POR: variants seen among roughly 807,000 people sequenced by gnomAD.
POR encodes NADPH--cytochrome P450 reductase.
In POR, 56 loss-of-function variants were observed where a neutral mutation model predicts 84.0. The observed-to-expected ratio is 0.67, with a 90% CI of 0.54 to 0.83. The LOEUF is 0.83. Ranked by LOEUF, POR falls within the 40% of genes least tolerant of loss-of-function variation. The probability of loss-of-function intolerance (pLI) is 0.00; values close to 1 mark genes in which losing one functional copy is unlikely to be tolerated. For missense variants in POR, 938 were observed against 944.3 expected (o/e 0.99, Z 0.09); for synonymous variants, 414 against 400.5 (o/e 1.03, Z -0.40).
chr7:75,967,859 T>C (rs1554555524), intron 2 of POR: 1 of 355,138 alleles, frequency 2.8e-6, no homozygotes, highest in African/African-American at 2.1e-5. Context: ...TGCAGAGTTC[T>C]TGGGCTCATG....
rs1788161194 is a variant in POR, at chr7:75,965,940, A to G, written c.189-6473A>G. ...GCCCGGGGCGCACTGCAGACAGGGT[A>G]AAGCCGGGGGAGGTGCACCTTGCTT... is the stretch of plus-strand genomic sequence containing the variant. On this transcript the variant is annotated intron_variant, in intron 2 of 15. Transcript: ENST00000461988. 2.6e-5 allele frequency among the ~76,000 whole-genome samples: 4 copies of G among 152,202 alleles called. No homozygotes were observed. The South Asian group carries it at 8.3e-4, about 32-fold the overall frequency.
At chr7:75,948,178 C>T (rs1300544468) in intron 1 of POR, among the ~76,000 whole-genome samples, 1 of 152,202 alleles carries the variant, frequency 6.6e-6, no homozygotes, top group East Asian at 1.9e-4. Flanking sequence ...GAGGTGCTTA[C>T]CCCGTGTGGC....
chr7:75,951,118 G>A (rs1293022810), intron 1 of POR, among the ~76,000 whole-genome samples: 1 of 132,208 alleles, frequency 7.6e-6, no homozygotes, highest in African/African-American at 2.9e-5. Context: ...GTTGAGGCCA[G>A]GCACAGTGGC....
At chr7:75,978,572 G>A (rs1437906215) in intron 3 of POR, among the ~76,000 whole-genome samples, 2 of 152,206 alleles carry the variant, frequency 1.3e-5, no homozygotes, top group Non-Finnish European at 2.9e-5. Context: ...AGCCCAGGCT[G>A]GAGTGCAATG....
chr7:75,922,837 A>G, intron 1 of POR: 1 of 547,544 alleles, frequency 1.8e-6, no homozygotes, highest in East Asian at 3.6e-5. Context: ...CCTCAAAGCC[A>G]CCCAGTCAAA....
chr7:75,940,658 C>T (rs528520692), intron 1 of POR, among the ~76,000 whole-genome samples: 34 of 151,972 alleles, frequency 2.2e-4, no homozygotes, highest in African/African-American at 8.2e-4. Context: ...GTGGCAGGCG[C>T]CTGTAGTCCC....
intron 1 of POR, chr7:75,915,730 C>T (rs1201154693): frequency 6.6e-6 from 1 of 152,224 alleles, no homozygotes; most frequent in Non-Finnish European, 1.5e-5. Context: ...GGGCAGTGCC[C>T]CTCGCAGTCA....
At chr7:75,934,058 C>T (rs568403961) in intron 1 of POR, among the ~76,000 whole-genome samples, 2 of 142,924 alleles carry the variant, frequency 1.4e-5, no homozygotes, top group East Asian at 4.2e-4. Context: ...AGTTTCTTTA[C>T]ATTTTGCCGT....
At chr7:75,986,310 C>A in intron 15 of POR, 27 bp from the exon 16 acceptor site, 1 of 1,612,648 alleles carries the variant, frequency 6.2e-7, no homozygotes, top group South Asian at 1.1e-5. Flanking sequence ...GTTGGCCCAG[C>A]CCCCAGCACC....
At chr7:75,978,037 A>G (rs1788778372) in intron 3 of POR, among the ~76,000 whole-genome samples, 1 of 152,228 alleles carries the variant, frequency 6.6e-6, no homozygotes, top group Non-Finnish European at 1.5e-5. Flanking sequence ...TATGTGAGCC[A>G]GCCCCTAGGA....
chr7:75,920,346 C>G (rs1336647372), intron 1 of POR, among the ~76,000 whole-genome samples: 3 of 152,062 alleles, frequency 2.0e-5, no homozygotes, highest in Non-Finnish European at 4.4e-5. Flanking sequence ...CTAGGATTAC[C>G]AGGCGTGAGC....
chr7:75,933,376 G>GTTT lies in POR; in HGVS notation c.-5+18225_-5+18227dup, dbSNP rs200575911. Reference sequence around the variant, plus strand: ...TCACCATGTTATACAATAGGTCTTTGTTTTTTTTTTTTTTTTTTTTTTTTT... The same window carrying GTTT: ...TCACCATGTTATACAATAGGTCTTTGTTTTTTTTTTTTTTTTTTTTTTTTTTTT... On this transcript the variant is annotated intron_variant, in intron 1 of 15. Transcript: ENST00000461988. Among the ~76,000 whole-genome samples the GTTT allele has an allele frequency of 1.1e-3, 102 of 92,104 alleles. 12 individuals carry two copies. The highest frequency in any genetic ancestry group is 1.4e-3 in the African/African-American group (43 of 30,882). 60.4% of individuals were successfully genotyped at this position (92,104 alleles called of 152,430 possible). A position where few individuals can be genotyped will look rare whatever the true frequency, so the allele number is the denominator to read the frequency against.
In POR at chr7:75,985,839, G is replaced by A. The variant is rs781857239; in HGVS notation, c.1659G>A (p.Leu553=). 1.2e-5 allele frequency: 18 copies of A among 1,550,108 alleles called. No individual in the cohort carries two copies. Among genetic ancestry groups the A allele is most frequent in the Non-Finnish European group, 1.4e-5 (16 of 1,144,382 alleles). ...GCTTCATCCAGGAGCGGGCCTGGCT[G>A]CGACAGCAGGGTGAGTGGGGTCCCA... is the stretch of plus-strand genomic sequence containing the variant. The change falls in exon 13 of 16, where the codon CTG becomes CTA. Residue 553 remains leucine (L), a synonymous_variant. Coordinates refer to ENST00000461988, the MANE Select transcript of POR (RefSeq NM_000941.3).
intron 2 of POR, among the ~76,000 whole-genome samples, chr7:75,965,472 G>A (rs1297527139): frequency 3.3e-5 from 5 of 152,104 alleles, no homozygotes; most frequent in African/African-American, 7.2e-5. Context: ...TTGCTCCCTC[G>A]GACCCCTAGC....
intron 1 of POR, among the ~76,000 whole-genome samples, chr7:75,953,281 T>C (rs1201523933): frequency 1.2e-4 from 15 of 124,498 alleles, no homozygotes; most frequent in African/African-American, 4.5e-4. Flanking sequence ...ACAGTCCAGC[T>C]TCGGCTGGGC....
rs782116756 is a variant in POR at position 75,961,407 on chromosome 7, G to A, written c.188+7227G>A. Among the ~76,000 whole-genome samples the A allele has an allele frequency of 1.5e-4, 23 of 152,136 alleles. 1 individual carries two copies. In the Middle Eastern group the frequency reaches 0.01, roughly 68 times the overall value. On this transcript the variant is annotated intron_variant, in intron 2 of 15. Coordinates refer to ENST00000461988, the MANE Select transcript of POR (RefSeq NM_000941.3). The stretch of plus-strand genomic sequence containing the variant: ...TGCATTCACTCTGACCCTCCAGCCC[G>A]CTCAGGCTGCTGTGCTCATGTTGCC...
Position 75,979,431 on chromosome 7 carries a change from C to T in POR, c.238-20C>T. 1 of 1,610,896 alleles carries T rather than the reference C, an allele frequency of 6.2e-7. No homozygotes were observed. Among genetic ancestry groups the T allele is most frequent in the African/African-American group, 1.3e-5 (1 of 75,014 alleles). On this transcript the variant is annotated intron_variant, in intron 3 of 15. Transcript: ENST00000461988. ...GCTGAGGTCTGTGGCCCTCACCAAC[C>T]CTGTGTCTGCCTTCCTTAGGGGAGG...
intron 1 of POR, among the ~76,000 whole-genome samples, chr7:75,938,080 G>A (rs1403320719): frequency 1.3e-5 from 2 of 152,134 alleles, no homozygotes; most frequent in Non-Finnish European, 1.5e-5. Context: ...CCCACTGTTC[G>A]CCTGCTGTCC....
At chr7:75,962,148 TTGAC>T (rs1273855661) in intron 2 of POR, among the ~76,000 whole-genome samples, 9 of 152,254 alleles carry the variant, frequency 5.9e-5, no homozygotes, top group Admixed American at 2.0e-4. Flanking sequence ...AGTTCCCTGA[TTGAC>T]TGATGTTTGA....
Sources: allele counts gnomAD v4.1 joint callset (sites outside exome capture counted in the v4.1 genomes callset), GRCh38; gene constraint gnomAD v4.1.1; transcripts MANE v1.5; gene names NCBI Gene and HGNC (gene_info 2026-07-23, HGNC 2026-07-21).